Variants in CEP250 observed in about 807,000 individuals in gnomAD.
CEP250 encodes centrosome-associated protein CEP250.
CEP250 carries 242 observed loss-of-function variants against 315.7 expected under a neutral mutation model. The observed-to-expected ratio is 0.77, with a 90% CI of 0.69 to 0.85. The LOEUF (loss-of-function observed/expected upper bound fraction) is 0.85, where lower values mean the gene tolerates loss of function less well. Ranked by LOEUF, CEP250 falls within the 40% of genes least tolerant of loss-of-function variation. The probability of loss-of-function intolerance (pLI) is 0.00; values close to 1 mark genes in which losing one functional copy is unlikely to be tolerated. For missense variants in CEP250, 2,515 were observed against 2,886.4 expected, an observed-to-expected ratio of 0.87 and a Z score of 2.95; for synonymous variants, 1,088 against 1,175.0, an observed-to-expected ratio of 0.93 and a Z score of 1.51.
intron 20 of CEP250, among the ~76,000 whole-genome samples, chr20:35,489,867 A>G (rs1417813918): frequency 1.3e-5 from 2 of 152,150 alleles, no homozygotes; most frequent in Admixed American, 6.6e-5. Context: ...GTCAACCACA[A>G]TGTGGCTGCT....
intron 20 of CEP250, among the ~76,000 whole-genome samples, chr20:35,487,758 GATCCCC>G (rs1458993002): frequency 6.6e-6 from 1 of 152,162 alleles, no homozygotes; most frequent in African/African-American, 2.4e-5. Flanking sequence ...AACATAGCAA[GATCCCC>G]ATCTCTAAAT....
chr20:35,472,054 C>T lies in CEP250; in HGVS notation c.953C>T (p.Thr318Ile). The change falls in exon 11 of 35, where the codon ACA becomes ATA. Residue 318 changes from threonine to isoleucine, a missense_variant. By Grantham distance (89) the Thr-to-Ile change is moderately conservative. Coordinates refer to ENST00000397527, the MANE Select transcript of CEP250 (RefSeq NM_007186.6). Reference sequence around the variant, plus strand: ...TCTGTTCTATTCCCTGTTCAGGAGACAAATCACACAGAATTAATGGAACAT... The same window carrying T: ...TCTGTTCTATTCCCTGTTCAGGAGATAAATCACACAGAATTAATGGAACAT... ...ALRETVEILE[T>I]NHTELMEHEA... The T allele has an allele frequency of 6.3e-7, 1 of 1,599,314 alleles. No homozygotes were observed. The highest frequency in any genetic ancestry group is 2.2e-5 in the East Asian group (1 of 44,784).
At position 35,469,911 on chromosome 20, in the gene CEP250, G is replaced by C. The variant is rs759697439; in HGVS notation, c.873G>C (p.Leu291=). 6.2e-7 allele frequency: 1 copy of C among 1,613,606 alleles called. No individual in the cohort carries two copies. The highest frequency in any genetic ancestry group is 1.3e-5 in the African/African-American group (1 of 74,992). The part of the protein sequence containing the change: ...LQDRVTELSA[L]LTQSQKQNED... ...TTAGGGTGACCGAGCTCTCTGCTCT[G>C]TTGACCCAGTCTCAGAAGCAAAATG... Residue 291 remains leucine (L), a synonymous_variant, in exon 10 of 35, where the codon CTG becomes CTC. Coordinates refer to ENST00000397527, the MANE Select transcript of CEP250 (RefSeq NM_007186.6).
intron 34 of CEP250, 32 bp downstream of exon 34, chr20:35,510,086 C>G: frequency 6.3e-7 from 1 of 1,596,082 alleles, no homozygotes; most frequent in Non-Finnish European, 8.6e-7. Flanking sequence ...CCCATATTCC[C>G]TCCCTTGCAC....
chr20:35,491,613 C>A (rs1601246761), intron 22 of CEP250, among the ~76,000 whole-genome samples: 3 of 151,930 alleles, frequency 2.0e-5, no homozygotes, highest in Admixed American at 2.0e-4. Context: ...ACTAAAAATA[C>A]AAAAATTAGC....
At position 35,479,375 on chromosome 20, in the gene CEP250, G is replaced by C; in HGVS notation, c.2239G>C (p.Ala747Pro). ...AGCGGCTCTAGAGGTGCGGCTGCAG[G>C]CCGTGGAGCGTGACCGGCAGGACCT... ...EKAALEVRLQAVERDRQDLAE... is the reference protein window; with the variant it reads ...EKAALEVRLQPVERDRQDLAE... The change falls in exon 18 of 35, where the codon GCC (alanine) becomes CCC (proline). Residue 747 changes from alanine (A) to proline (P), a missense_variant. Physicochemically the swap from Ala to Pro is conservative, Grantham distance 27. Transcript: ENST00000397527. 6.2e-7 allele frequency: 1 copy of C among 1,614,194 alleles called. No homozygotes were observed. Among genetic ancestry groups the C allele is most frequent in the South Asian group, 1.1e-5 (1 of 91,084 alleles).
chr20:35,476,172 AT>A, intron 15 of CEP250: 167 of 318,770 alleles, frequency 5.2e-4, no homozygotes, highest in Middle Eastern at 2.1e-3. Context: ...CTATATTAAT[AT>A]TTTTTTTAGT....
chr20:35,499,081 C>T (rs1031132661), intron 27 of CEP250, among the ~76,000 whole-genome samples: 3 of 152,108 alleles, frequency 2.0e-5, no homozygotes, highest in African/African-American at 7.2e-5. Flanking sequence ...TCAAAATCAG[C>T]CTGGCCAACA....
At chr20:35,465,108 T>G (rs2062842251) in intron 5 of CEP250, among the ~76,000 whole-genome samples, 1 of 151,954 alleles carries the variant, frequency 6.6e-6, no homozygotes, top group Non-Finnish European at 1.5e-5. Context: ...CTGGAGACAC[T>G]GTAGCTCCAA....
intron 20 of CEP250, among the ~76,000 whole-genome samples, chr20:35,487,166 A>G (rs1376804445): frequency 6.6e-6 from 1 of 152,100 alleles, no homozygotes; most frequent in Non-Finnish European, 1.5e-5. Flanking sequence ...GAATCCTGGC[A>G]ATTAGAAGCA....
At chr20:35,500,355 C>T (rs1051278969) in intron 28 of CEP250, among the ~76,000 whole-genome samples, 186 bp downstream of exon 28, 42 of 152,168 alleles carry the variant, frequency 2.8e-4, no homozygotes, top group Admixed American at 2.6e-3. Flanking sequence ...CTATGTCTTC[C>T]GAGCAGCTAG....
At chr20:35,493,618 A>C in intron 23 of CEP250, 46 bp downstream of exon 23, 1 of 1,462,606 alleles carries the variant, frequency 6.8e-7, no homozygotes, top group Non-Finnish European at 9.1e-7. Flanking sequence ...TCCCCAACAC[A>C]GCCAGGCTTT....
chr20:35,457,992 G>T (rs1189133614), intron 1 of CEP250, among the ~76,000 whole-genome samples: 1 of 152,204 alleles, frequency 6.6e-6, no homozygotes, highest in East Asian at 1.9e-4. Context: ...ATAAGGAGCT[G>T]CATGCTAATT....
intron 11 of CEP250, among the ~76,000 whole-genome samples, 156 bp from the exon 12 acceptor site, chr20:35,472,517 G>T (rs1273932966): frequency 1.3e-5 from 2 of 152,170 alleles, no homozygotes; most frequent in African/African-American, 4.8e-5. Context: ...AGAGTTGAAG[G>T]AACCAGACTT....
rs2063767452 is a variant in CEP250 at position 35,493,996 on chromosome 20, T to TG, written c.3033+429dup. On this transcript the variant is annotated intron_variant, in intron 23 of 34. Transcript: ENST00000397527. Reference sequence around the variant, plus strand: ...TCAGCCTTTTTTTCCTTCTTTTTGGTGGGGGAGACAGGATTTCACTATGTC... The same window carrying TG: ...TCAGCCTTTTTTTCCTTCTTTTTGGTGGGGGGAGACAGGATTTCACTATGTC... Among the ~76,000 whole-genome samples, 3 of 152,314 alleles carry TG rather than the reference T, an allele frequency of 2.0e-5. No individual in the cohort carries two copies. In the South Asian group the frequency reaches 6.2e-4, roughly 32 times the overall value.
At chr20:35,466,722 C>T (rs556277675) in intron 7 of CEP250, among the ~76,000 whole-genome samples, 4 of 152,220 alleles carry the variant, frequency 2.6e-5, no homozygotes, top group African/African-American at 4.8e-5. Flanking sequence ...AAGCAGCTAC[C>T]GTGTATCCTT....
chr20:35,489,127 G>A (rs138913760), intron 20 of CEP250, among the ~76,000 whole-genome samples: 2,263 of 151,628 alleles, frequency 0.015, 27 homozygotes, highest in Non-Finnish European at 0.024. Flanking sequence ...GGCAGAGGTT[G>A]CAGTGAGCCG....
At chr20:35,456,194 C>CA (rs1466030008) in intron 1 of CEP250, among the ~76,000 whole-genome samples, 1 of 152,248 alleles carries the variant, frequency 6.6e-6, no homozygotes, top group African/African-American at 2.4e-5. Flanking sequence ...CGCGCTCAGC[C>CA]AAAGGCCTAT....
intron 13 of CEP250, 107 bp downstream of exon 13, chr20:35,473,659 C>A: frequency 1.7e-6 from 2 of 1,194,544 alleles, no homozygotes; most frequent in Non-Finnish European, 2.3e-6. Flanking sequence ...TGATCCTGTT[C>A]TCCTTGAGAC....
Sources: allele counts gnomAD v4.1 joint callset (sites outside exome capture counted in the v4.1 genomes callset), GRCh38; gene constraint gnomAD v4.1.1; transcripts MANE v1.5; gene names NCBI Gene and HGNC (gene_info 2026-07-23, HGNC 2026-07-21).